GRID1: variants seen among roughly 807,000 people sequenced by gnomAD.
GRID1 encodes glutamate ionotropic receptor delta type subunit 1, also known as glutamate receptor ionotropic, delta-1.
GRID1 carries 28 observed loss-of-function variants against 98.0 expected under a neutral mutation model. The ratio of observed to expected loss-of-function variants is 0.29; its 90% confidence interval spans 0.21 to 0.39. The LOEUF (loss-of-function observed/expected upper bound fraction) is 0.39. Among genes scored for constraint, GRID1 ranks in the 10% least tolerant of loss-of-function variants. The probability of loss-of-function intolerance (pLI) is 1.00; values close to 1 mark genes in which losing one functional copy is unlikely to be tolerated. For synonymous variants in GRID1, 553 were observed against 538.5 expected, an observed-to-expected ratio of 1.03 and a Z score of -0.37; for missense variants, 1,111 against 1,340.5, an observed-to-expected ratio of 0.83 and a Z score of 2.67.
At chr10:85,674,509 C>G (rs1051635149) in intron 12 of GRID1, among the ~76,000 whole-genome samples, 1 of 152,138 alleles carries the variant, frequency 6.6e-6, no homozygotes, top group Non-Finnish European at 1.5e-5. Context: ...CAGGGATCAT[C>G]ATATAGATTA....
At chr10:85,863,660 G>A (rs1435002565) in intron 6 of GRID1, among the ~76,000 whole-genome samples, 1 of 152,152 alleles carries the variant, frequency 6.6e-6, no homozygotes, top group Admixed American at 6.5e-5. Context: ...CCTCAGGAGT[G>A]CTGCAGGCTG....
At chr10:85,652,080 G>A (rs577853434) in intron 12 of GRID1, among the ~76,000 whole-genome samples, 1 of 152,196 alleles carries the variant, frequency 6.6e-6, no homozygotes, top group African/African-American at 2.4e-5. Context: ...GACTTTGTAA[G>A]CATCCCTTGC....
intron 2 of GRID1, among the ~76,000 whole-genome samples, chr10:86,207,763 C>A (rs1846052128): frequency 6.6e-6 from 1 of 151,226 alleles, no homozygotes; most frequent in Non-Finnish European, 1.5e-5. Flanking sequence ...TCCCCTGTAG[C>A]TGGGACTACA....
chr10:85,599,802 A>AAAAAAAAAAAAT lies in GRID1; in HGVS notation c.*2470_*2471insATTTTTTTTTTT. ...GTAGAAAATTCTAAAAAAAAAAAAAAATATATATATATATATATAAACATG... is the reference window on the plus strand; with the variant it reads ...GTAGAAAATTCTAAAAAAAAAAAAAAAAAAAAAAAAATATATATATATATATATATAAACATG... On this transcript the variant is annotated 3_prime_UTR_variant, in exon 16 of 16. Coordinates refer to ENST00000327946, the MANE Select transcript of GRID1 (RefSeq NM_017551.3). The AAAAAAAAAAAAT allele has an allele frequency of 1.5e-5, 1 of 65,000 alleles. No homozygotes were observed. The highest frequency in any genetic ancestry group is 9.3e-5 in the African/African-American group (1 of 10,730). The allele number at this position is 65,000 out of a possible 1,614,324, so 4.0% of individuals were successfully genotyped here.
intron 12 of GRID1, among the ~76,000 whole-genome samples, chr10:85,700,635 T>C (rs956143025): frequency 6.6e-6 from 1 of 152,154 alleles, no homozygotes; most frequent in Non-Finnish European, 1.5e-5. Context: ...CAGGTAAACA[T>C]CTATTAGTAA....
At chr10:86,166,938 A>T (rs561942780) in intron 3 of GRID1, among the ~76,000 whole-genome samples, 2 of 152,320 alleles carry the variant, frequency 1.3e-5, no homozygotes, top group East Asian at 3.9e-4. Context: ...CTGCCTTTGC[A>T]TTCAGGAACT....
intron 8 of GRID1, among the ~76,000 whole-genome samples, chr10:85,804,237 T>C (rs1842602243): frequency 6.6e-6 from 1 of 151,120 alleles, no homozygotes; most frequent in Non-Finnish European, 1.5e-5. Context: ...AAAATGATAA[T>C]AAAAGACTGC....
intron 4 of GRID1, among the ~76,000 whole-genome samples, chr10:86,064,205 A>G (rs1843688043): frequency 6.6e-6 from 1 of 152,256 alleles, no homozygotes; most frequent in Non-Finnish European, 1.5e-5. Context: ...CAATGTTCAC[A>G]AACATTTTTC....
chr10:85,791,604 C>T (rs1842480203), intron 8 of GRID1, among the ~76,000 whole-genome samples: 1 of 151,820 alleles, frequency 6.6e-6, no homozygotes, highest in Non-Finnish European at 1.5e-5. Flanking sequence ...ACAGAATGTC[C>T]CCAAATCATG....
In GRID1 at chr10:85,957,840, T is replaced by C. The variant is rs150153479; in HGVS notation, c.727-41601A>G. The stretch of plus-strand genomic sequence containing the variant: ...GAAAGCTAGGCTGGGGATGTCTATA[T>C]GCCTGGTCTGGCTCCTCAGGGTGAA... On this transcript the variant is annotated intron_variant, in intron 4 of 15. Coordinates refer to ENST00000327946, the MANE Select transcript of GRID1 (RefSeq NM_017551.3). Among the ~76,000 whole-genome samples, 277 of 152,354 alleles carry C rather than the reference T, an allele frequency of 1.8e-3. 3 individuals are homozygous for C. The highest frequency in any genetic ancestry group is 5.4e-3 in the Admixed American group (83 of 15,308).
chr10:85,819,304 C>A (rs1842741598), intron 8 of GRID1, among the ~76,000 whole-genome samples: 1 of 152,110 alleles, frequency 6.6e-6, no homozygotes, highest in Non-Finnish European at 1.5e-5. Context: ...AAAGCATATT[C>A]CCCCAGAAGT....
chr10:86,156,737 G>C (rs1192270779), intron 3 of GRID1, among the ~76,000 whole-genome samples: 1 of 152,258 alleles, frequency 6.6e-6, no homozygotes, highest in Non-Finnish European at 1.5e-5. Context: ...GGGAATGTCA[G>C]AAGAGACGTC....
At chr10:85,848,824 C>T (rs1843031372) in intron 8 of GRID1, among the ~76,000 whole-genome samples, 1 of 152,148 alleles carries the variant, frequency 6.6e-6, no homozygotes, top group East Asian at 1.9e-4. Flanking sequence ...TTTCAGTTCT[C>T]GGCTCTGTCA....
At chr10:85,608,295 A>T (rs2132508291) in intron 15 of GRID1, among the ~76,000 whole-genome samples, 1 of 152,270 alleles carries the variant, frequency 6.6e-6, no homozygotes, top group South Asian at 2.1e-4. Context: ...AGATTTTAGA[A>T]ATTATGGCAG....
At chr10:86,071,861 T>C (rs754675626) in intron 4 of GRID1, among the ~76,000 whole-genome samples, 5 of 151,902 alleles carry the variant, frequency 3.3e-5, no homozygotes, top group Non-Finnish European at 5.9e-5. Context: ...GTGGGAGAGG[T>C]GGTCAGGAAC....
chr10:86,239,646 G>C (rs1487183890), intron 2 of GRID1, among the ~76,000 whole-genome samples: 1 of 152,180 alleles, frequency 6.6e-6, no homozygotes, highest in East Asian at 1.9e-4. Context: ...TAGTGAGTGA[G>C]TTCTCACAAA....
chr10:85,763,006 G>C (rs71471171), intron 8 of GRID1, among the ~76,000 whole-genome samples: 2,340 of 152,276 alleles, frequency 0.015, 23 homozygotes, highest in Non-Finnish European at 0.024. Flanking sequence ...CTGCAGCAGA[G>C]CACAGCATCC....
intron 2 of GRID1, among the ~76,000 whole-genome samples, chr10:86,229,411 G>T (rs1044834904): frequency 2.6e-5 from 4 of 152,162 alleles, no homozygotes; most frequent in African/African-American, 7.2e-5. Context: ...TGTGACCTTG[G>T]GCAAGACACC....
chr10:86,007,296 C>T (rs1048256725), intron 4 of GRID1, among the ~76,000 whole-genome samples: 1 of 152,208 alleles, frequency 6.6e-6, no homozygotes, highest in African/African-American at 2.4e-5. Context: ...CCGCTCTCTC[C>T]TCCCACCCCC....
Sources: allele counts gnomAD v4.1 joint callset (sites outside exome capture counted in the v4.1 genomes callset), GRCh38; gene constraint gnomAD v4.1.1; transcripts MANE v1.5; gene names NCBI Gene and HGNC (gene_info 2026-07-23, HGNC 2026-07-21).